RUFY1: variants seen among roughly 807,000 people sequenced by gnomAD.
RUFY1 encodes RUN and FYVE domain containing 1, also known as RUN and FYVE domain-containing protein 1.
RUFY1 carries 54 observed loss-of-function variants against 94.6 expected under a neutral mutation model. That is an observed-to-expected ratio of 0.57 (90% CI 0.46 to 0.72). The LOEUF is 0.72. Ranked by LOEUF, RUFY1 falls within the 30% of genes least tolerant of loss-of-function variation. The pLI, the probability that RUFY1 is intolerant of heterozygous loss-of-function variation, is 0.00. For missense variants in RUFY1, 883 were observed against 883.9 expected, an observed-to-expected ratio of 1.00 and a Z score of 0.01; for synonymous variants, 396 against 347.3, an observed-to-expected ratio of 1.14 and a Z score of -1.56.
chr5:179,574,079 C>T (rs895792251), intron 5 of RUFY1, among the ~76,000 whole-genome samples: 4 of 151,948 alleles, frequency 2.6e-5, no homozygotes, highest in Non-Finnish European at 5.9e-5. Context: ...CTGCCTTTGC[C>T]ACCTTTCCGT....
intron 2 of RUFY1, among the ~76,000 whole-genome samples, 162 bp from the exon 3 acceptor site, chr5:179,562,385 A>G (rs28611242): frequency 0.41 from 62,110 of 152,044 alleles, 13,154 homozygotes; most frequent in East Asian, 0.73. Flanking sequence ...TAGCCTGGGC[A>G]GTAGAGTAAG....
chr5:179,599,479 C>T (rs1766086119), intron 14 of RUFY1: 1 of 152,584 alleles, frequency 6.6e-6, no homozygotes, highest in Non-Finnish European at 1.5e-5. Flanking sequence ...ACTTCCCCTA[C>T]ATCACCTCAG....
chr5:179,558,819 TATAAAA>T (rs1235612919), intron 1 of RUFY1, among the ~76,000 whole-genome samples: 1 of 152,178 alleles, frequency 6.6e-6, no homozygotes, highest in African/African-American at 2.4e-5. Context: ...TAATTAACTA[TATAAAA>T]ATATAGTACG....
In RUFY1 at chr5:179,562,619, A is replaced by G; in HGVS notation, c.557A>G (p.Glu186Gly). 1 of 1,610,484 alleles carries G rather than the reference A, an allele frequency of 6.2e-7. No homozygotes were observed. The highest frequency in any genetic ancestry group is 8.5e-7 in the Non-Finnish European group (1 of 1,176,670). Residue 186 changes from glutamate (E) to glycine (G), a missense_variant, in exon 3 of 18, where the codon GAA (glutamate) becomes GGA (glycine). Transcript: ENST00000319449. ...PLELVEKLCPEASDIATSVRN... is the reference protein window; with the variant it reads ...PLELVEKLCPGASDIATSVRN... The stretch of plus-strand genomic sequence containing the variant: ...GAGCTGGTGGAGAAACTTTGTCCAG[A>G]AGCATCAGATATAGCGACTAGTGTC...
intron 2 of RUFY1, 65 bp downstream of exon 2, chr5:179,560,263 A>T: frequency 1.3e-6 from 2 of 1,556,270 alleles, no homozygotes; most frequent in East Asian, 2.3e-5. Context: ...GCATTTTTTC[A>T]TCAGCGCCAG....
chr5:179,575,347 G>A (rs186650925), intron 5 of RUFY1, among the ~76,000 whole-genome samples: 21 of 151,854 alleles, frequency 1.4e-4, no homozygotes, highest in Admixed American at 2.0e-4. Context: ...CTCTCTCCTC[G>A]TCTGTCTGCT....
rs556470047 is a variant in RUFY1, at chr5:179,593,180, ATCC to A, written c.1246-293_1246-291del. On this transcript the variant is annotated intron_variant, in intron 10 of 17. Coordinates refer to ENST00000319449, the MANE Select transcript of RUFY1 (RefSeq NM_025158.5). Reference sequence around the variant, plus strand: ...AGCCTCCGCCTCCCGGATTCAAGCAATCCTCCTGCCTCAGCCTCCTGAGAGTAG... The same window carrying A: ...AGCCTCCGCCTCCCGGATTCAAGCAATCCTGCCTCAGCCTCCTGAGAGTAG... Among the ~76,000 whole-genome samples, 1,003 of 152,296 alleles carry A rather than the reference ATCC, an allele frequency of 6.6e-3. 16 individuals carry two copies. The highest frequency in any genetic ancestry group is 0.021 in the African/African-American group (874 of 41,562).
intron 5 of RUFY1, among the ~76,000 whole-genome samples, chr5:179,571,132 A>G (rs1261833829): frequency 6.6e-6 from 1 of 152,220 alleles, no homozygotes. Context: ...TAAAATGACT[A>G]TGTAGTATTT....
intron 3 of RUFY1, among the ~76,000 whole-genome samples, chr5:179,566,623 T>C (rs1762850144): frequency 8.6e-6 from 1 of 116,042 alleles, no homozygotes; most frequent in Admixed American, 8.8e-5. Context: ...AGGCTCCATC[T>C]CGAAAAAAAA....
chr5:179,559,992 A>C, intron 1 of RUFY1, 33 bp from the exon 2 acceptor site: 1 of 1,602,112 alleles, frequency 6.2e-7, no homozygotes, highest in Non-Finnish European at 8.5e-7. Context: ...CGCTCAGTCC[A>C]CTAACGAAGC....
intron 10 of RUFY1, 117 bp from the exon 11 acceptor site, chr5:179,593,361 G>A (rs891717807): frequency 1.6e-6 from 2 of 1,219,396 alleles, no homozygotes; most frequent in African/African-American, 1.5e-5. Context: ...TTACAGGCAT[G>A]AGCCACCACA....
At chr5:179,566,783 C>T (rs1244640947) in intron 3 of RUFY1, among the ~76,000 whole-genome samples, 1 of 151,860 alleles carries the variant, frequency 6.6e-6, no homozygotes, top group Admixed American at 6.6e-5. Context: ...AGGCCAGGTG[C>T]AGTGGCTCAT....
intron 9 of RUFY1, among the ~76,000 whole-genome samples, chr5:179,591,344 C>T (rs1376369668): frequency 2.0e-5 from 3 of 151,892 alleles, no homozygotes; most frequent in Non-Finnish European, 2.9e-5. Flanking sequence ...ACCACCACGC[C>T]CAGCTAATTG....
At chr5:179,577,467 G>C (rs1303611559) in intron 6 of RUFY1, among the ~76,000 whole-genome samples, 2 of 151,394 alleles carry the variant, frequency 1.3e-5, no homozygotes, top group Non-Finnish European at 2.9e-5. Flanking sequence ...GCCCAGCCAC[G>C]TCACATTTTT....
intron 16 of RUFY1, 84 bp downstream of exon 16, chr5:179,606,008 C>A: frequency 2.2e-6 from 2 of 912,992 alleles, no homozygotes; most frequent in South Asian, 1.3e-5. Flanking sequence ...TCCCAACAGT[C>A]AGGTGAGAGC....
At chr5:179,587,302 C>T (rs1383137184) in intron 8 of RUFY1, among the ~76,000 whole-genome samples, 3 of 152,034 alleles carry the variant, frequency 2.0e-5, no homozygotes, top group Admixed American at 6.6e-5. Context: ...GACCCACCCA[C>T]CTTGGCCTCC....
At chr5:179,592,650 C>G (rs1333117921) in intron 10 of RUFY1, among the ~76,000 whole-genome samples, 1 of 152,222 alleles carries the variant, frequency 6.6e-6, no homozygotes, top group South Asian at 2.1e-4. Flanking sequence ...TTTATTTCCA[C>G]TCAACCTGTG....
intron 4 of RUFY1, 24 bp from the exon 5 acceptor site, chr5:179,569,278 C>T: frequency 6.2e-7 from 1 of 1,613,670 alleles, no homozygotes; most frequent in Non-Finnish European, 8.5e-7. Context: ...CTGAGCATCG[C>T]CCTGTCCTGT....
intron 1 of RUFY1, among the ~76,000 whole-genome samples, chr5:179,554,819 T>C (rs901162908): frequency 6.6e-6 from 1 of 151,690 alleles, no homozygotes; most frequent in South Asian, 2.1e-4. Context: ...AGTACAAAAA[T>C]TAGATGGGCG....
Sources: allele counts gnomAD v4.1 joint callset (sites outside exome capture counted in the v4.1 genomes callset), GRCh38; gene constraint gnomAD v4.1.1; transcripts MANE v1.5; gene names NCBI Gene and HGNC (gene_info 2026-07-23, HGNC 2026-07-21).